The following ALMS1 variants were observed in gnomAD, a reference collection of about 807,000 sequenced individuals.
ALMS1 encodes ALMS1 centrosome and basal body associated protein.
A neutral mutation model predicts 352.2 loss-of-function variants in ALMS1; 271 were observed. The ratio of observed to expected loss-of-function variants is 0.77; its 90% CI spans 0.70 to 0.85. The LOEUF is 0.85. ALMS1 is among the 40% of genes least tolerant of loss of function. ALMS1 has a pLI of 0.00. For missense variants in ALMS1, 5,445 were observed against 4,870.7 expected (o/e 1.12, Z -3.51); for synonymous variants, 1,865 against 1,761.2 (o/e 1.06, Z -1.48).
intron 1 of ALMS1, among the ~76,000 whole-genome samples, chr2:73,401,745 A>G (rs1417418207): frequency 6.6e-6 from 1 of 152,058 alleles, no homozygotes; most frequent in Non-Finnish European, 1.5e-5. Flanking sequence ...ATAATACAAT[A>G]TTATTAACTA....
chr2:73,406,653 A>G (rs1263592725), intron 1 of ALMS1, among the ~76,000 whole-genome samples: 1 of 152,146 alleles, frequency 6.6e-6, no homozygotes, highest in African/African-American at 2.4e-5. Flanking sequence ...ACTAGTAACA[A>G]CTTCACTTCA....
At chr2:73,458,493 T>C (rs1672120247) in intron 9 of ALMS1, 1 of 152,220 alleles carries the variant, frequency 6.6e-6, no homozygotes, top group Non-Finnish European at 1.5e-5. Flanking sequence ...ATCATGAGCT[T>C]ACATTAAGGA....
rs77796180 is a variant in ALMS1, at chr2:73,472,702, A to G, written c.7675-16932A>G. On this transcript the variant is annotated intron_variant, in intron 9 of 22. Coordinates refer to ENST00000613296, the MANE Select transcript of ALMS1 (RefSeq NM_001378454.1). ...CCTACCATTCCTTGTGCCTAGATGA[A>G]CAATGACTTTGAAGACAGCAGCTTA... Among the ~76,000 whole-genome samples the G allele has an allele frequency of 5.0e-3, 766 of 152,200 alleles. 5 individuals are homozygous for G. The highest frequency in any genetic ancestry group is 8.3e-3 in the Non-Finnish European group (565 of 67,984).
chr2:73,464,169 T>G (rs991270496), intron 9 of ALMS1, among the ~76,000 whole-genome samples: 1 of 152,168 alleles, frequency 6.6e-6, no homozygotes, highest in African/African-American at 2.4e-5. Flanking sequence ...CCAATATCCC[T>G]GATGAACATT....
rs202002052 is a variant in ALMS1, at chr2:73,448,075, C to G, written c.1548C>G (p.Asp516Glu). 75 of 1,610,246 alleles carry G rather than the reference C, an allele frequency of 4.7e-5. No individual in the cohort carries two copies. The highest frequency in any genetic ancestry group is 6.8e-6 in the Non-Finnish European group (8 of 1,179,334). The change falls in exon 8 of 23, where the codon GAC (aspartate) becomes GAG (glutamate). Residue 516 changes from aspartate (D) to glutamate (E), a missense_variant. Asp to Glu is a conservative substitution (Grantham distance 45, BLOSUM62 2). Transcript: ENST00000613296. Reference protein sequence around the residue: ...IGSHLSLSLEDLSQLAVSSPL... With the variant: ...IGSHLSLSLEELSQLAVSSPL... ...CTCATTTATCCTTGTCCCTTGAGGA[C>G]CTGTCTCAGTTGGCTGTAAGTTCTC...
intron 7 of ALMS1, among the ~76,000 whole-genome samples, chr2:73,436,286 T>C (rs1229720510): frequency 6.6e-6 from 1 of 152,248 alleles, no homozygotes; most frequent in Non-Finnish European, 1.5e-5. Context: ...TAATTTGTTT[T>C]CTCTTGTTGC....
At chr2:73,538,695 G>A (rs76284750) in intron 12 of ALMS1, among the ~76,000 whole-genome samples, 3 of 152,268 alleles carry the variant, frequency 2.0e-5, no homozygotes, top group African/African-American at 2.4e-5. Flanking sequence ...CTAATACTGC[G>A]CTTTTCCAAC....
chr2:73,570,026 C>T (rs1386506342), intron 15 of ALMS1, among the ~76,000 whole-genome samples: 4 of 152,078 alleles, frequency 2.6e-5, no homozygotes, highest in Non-Finnish European at 4.4e-5. Context: ...TAGAGACTTG[C>T]AGTATTGTGA....
chr2:73,426,620 ATTGT>A, intron 6 of ALMS1, 67 bp downstream of exon 6: 4 of 1,499,884 alleles, frequency 2.7e-6, no homozygotes, highest in Non-Finnish European at 3.7e-6. Context: ...AGGAAATGGT[ATTGT>A]TTGTTTTTAT....
chr2:73,455,217 A>T lies in ALMS1; in HGVS notation c.7596A>T (p.Leu2532Phe). ...AHDCGYSISELNEDDRRKVEE... is the reference protein window; with the variant it reads ...AHDCGYSISEFNEDDRRKVEE... ...ATTGTGGATACTCCATTTCAGAATT[A>T]AATGAAGATGACAGGAGGAAAGTAG... Residue 2532 changes from leucine to phenylalanine, a missense_variant, in exon 9 of 23, where the codon TTA becomes TTT. Coordinates refer to ENST00000613296, the MANE Select transcript of ALMS1 (RefSeq NM_001378454.1). 6.2e-7 allele frequency: 1 copy of T among 1,613,786 alleles called. No individual in the cohort carries two copies. The highest frequency in any genetic ancestry group is 8.5e-7 in the Non-Finnish European group (1 of 1,179,850).
chr2:73,559,772 C>T (rs1452912938), intron 15 of ALMS1, among the ~76,000 whole-genome samples: 2 of 152,122 alleles, frequency 1.3e-5, no homozygotes, highest in Non-Finnish European at 2.9e-5. Flanking sequence ...CAAGACTACA[C>T]AATGGGGAAA....
intron 10 of ALMS1, among the ~76,000 whole-genome samples, chr2:73,494,485 A>G (rs1673062129): frequency 6.6e-6 from 1 of 152,210 alleles, no homozygotes; most frequent in Admixed American, 6.5e-5. Context: ...TTTTCCACAA[A>G]TGAACCTTTT....
intron 9 of ALMS1, among the ~76,000 whole-genome samples, chr2:73,456,482 G>A (rs1312001758): frequency 2.0e-5 from 3 of 152,138 alleles, no homozygotes; most frequent in African/African-American, 7.2e-5. Context: ...GTGAGATAAT[G>A]CCTATAAAAT....
chr2:73,519,771 T>A lies in ALMS1; in HGVS notation c.9540-4T>A. 1 of 1,613,960 alleles carries A rather than the reference T, an allele frequency of 6.2e-7. No homozygotes were observed. The highest frequency in any genetic ancestry group is 8.5e-7 in the Non-Finnish European group (1 of 1,179,918). ...CTGCTGTATTCTTTCTCTTTTTTGG[T>A]CAGATTACCAGAGAAGATGAAGACC... On this transcript the variant is annotated splice_polypyrimidine_tract_variant and splice_region_variant and intron_variant, in intron 10 of 22. Coordinates refer to ENST00000613296, the MANE Select transcript of ALMS1 (RefSeq NM_001378454.1).
chr2:73,490,354 C>T lies in ALMS1; in HGVS notation c.8395C>T (p.Pro2799Ser), dbSNP rs1379903537. ...AGGTAGAAGGCAAAGCCAAAAATTA[C>T]CTGTTGATTTTGAGCGTTCTTTTCA... The part of the protein sequence containing the change: ...AEGRRQSQKL[P>S]VDFERSFQEE... The change falls in exon 10 of 23, where the codon CCT (proline) becomes TCT (serine). Residue 2799 changes from proline to serine, a missense_variant. Physicochemically the swap from Pro to Ser is moderately conservative, Grantham distance 74 (BLOSUM62 -1). Coordinates refer to ENST00000613296, the MANE Select transcript of ALMS1 (RefSeq NM_001378454.1). 5.6e-6 allele frequency: 9 copies of T among 1,612,476 alleles called. No individual in the cohort carries two copies. Among genetic ancestry groups the T allele is most frequent in the Non-Finnish European group, 8.5e-7 (1 of 1,179,398 alleles).
chr2:73,607,901 A>T (rs1675849481), intron 21 of ALMS1, among the ~76,000 whole-genome samples: 4 of 149,108 alleles, frequency 2.7e-5, no homozygotes, highest in African/African-American at 7.5e-5. Flanking sequence ...TGACCTCGTG[A>T]TCCACCCACC....
In ALMS1 at chr2:73,608,476, A is replaced by T. The variant is rs1675867808; in HGVS notation, c.12364A>T (p.Ile4122Phe). ...CCTTTCACTGGTGCCATTTCTAAGG[A>T]TTTATGAGCAGCTTCCAGAAGTACA... ...KKEMIQRSKRIYEQLPEVQKK... is the reference protein window; with the variant it reads ...KKEMIQRSKRFYEQLPEVQKK... Residue 4122 changes from isoleucine to phenylalanine, a missense_variant and splice_region_variant, in exon 22 of 23, where the codon ATT (isoleucine) becomes TTT (phenylalanine). Physicochemically the swap from Ile to Phe is conservative, Grantham distance 21 (BLOSUM62 0). Transcript: ENST00000613296. 1.2e-6 allele frequency: 2 copies of T among 1,613,296 alleles called. No homozygotes were observed. Among genetic ancestry groups the T allele is most frequent in the East Asian group, 4.5e-5 (2 of 44,860 alleles).
Position 73,490,518 on chromosome 2 carries a change from C to A in ALMS1, c.8559C>A (p.Thr2853=), listed in dbSNP as rs1287624861. The A allele has an allele frequency of 6.2e-7, 1 of 1,614,104 alleles. No individual in the cohort carries two copies. The highest frequency in any genetic ancestry group is 1.7e-5 in the Admixed American group (1 of 60,026). The change falls in exon 10 of 23, where the codon ACC becomes ACA. Residue 2853 remains threonine (T), a synonymous_variant. Coordinates refer to ENST00000613296, the MANE Select transcript of ALMS1 (RefSeq NM_001378454.1). ...TLISMGRPSS[T]LGVNRSSSRL... ...TTAGCATGGGCAGACCAAGTTCCACCCTAGGAGTAAACAGATCGAGTTCCA... is the reference window on the plus strand; with the variant it reads ...TTAGCATGGGCAGACCAAGTTCCACACTAGGAGTAAACAGATCGAGTTCCA...
At chr2:73,546,334 C>T (rs1674318840) in intron 12 of ALMS1, among the ~76,000 whole-genome samples, 1 of 152,108 alleles carries the variant, frequency 6.6e-6, no homozygotes, top group South Asian at 2.1e-4. Flanking sequence ...GAATTTTCTA[C>T]AATGATCAGG....
Sources: gnomAD v4.1 joint callset for allele counts (sites outside exome capture counted in the v4.1 genomes callset) on GRCh38, gnomAD v4.1.1 for gene constraint, MANE v1.5 for transcripts, NCBI Gene and HGNC (gene_info 2026-07-23, HGNC 2026-07-21) for gene names.